WDFY3: variants seen among roughly 807,000 people sequenced by gnomAD.
WDFY3 encodes the protein WD repeat and FYVE domain-containing protein 3.
In WDFY3, 66 loss-of-function variants were observed where a neutral mutation model predicts 409.6. The ratio of observed to expected loss-of-function variants is 0.16; its 90% CI spans 0.13 to 0.20. The LOEUF is 0.20. WDFY3 is among the 10% of genes least tolerant of loss of function. The probability of loss-of-function intolerance (pLI) is 1.00; values close to 1 mark genes in which losing one functional copy is unlikely to be tolerated. For synonymous variants in WDFY3, 1,521 were observed against 1,537.1 expected, an observed-to-expected ratio of 0.99 and a Z score of 0.25; for missense variants, 3,031 against 4,298.1, an observed-to-expected ratio of 0.71 and a Z score of 8.24.
At chr4:84,946,543 C>A (rs1280655562) in intron 1 of WDFY3, among the ~76,000 whole-genome samples, 1 of 152,102 alleles carries the variant, frequency 6.6e-6, no homozygotes, top group East Asian at 1.9e-4. Flanking sequence ...GGAAAAACTG[C>A]ATCAATACAT....
intron 30 of WDFY3, among the ~76,000 whole-genome samples, chr4:84,769,278 A>G (rs1744210493): frequency 6.6e-6 from 1 of 152,230 alleles, no homozygotes; most frequent in Non-Finnish European, 1.5e-5. Context: ...TTTTGAAAGG[A>G]TTGACTCCAA....
intron 2 of WDFY3, among the ~76,000 whole-genome samples, chr4:84,930,137 T>A (rs1188225206): frequency 6.6e-6 from 1 of 152,198 alleles, no homozygotes; most frequent in African/African-American, 2.4e-5. Flanking sequence ...TAGTACTTTG[T>A]TACAGCAGCC....
At chr4:84,965,139 TTA>T (rs1435069720) in intron 1 of WDFY3, among the ~76,000 whole-genome samples, 2 of 152,208 alleles carry the variant, frequency 1.3e-5, no homozygotes, top group Non-Finnish European at 2.9e-5. Context: ...CTGTTTTATG[TTA>T]TGTTTGTTAC....
chr4:84,816,360 C>G (rs552694432), intron 13 of WDFY3, among the ~76,000 whole-genome samples: 6 of 152,088 alleles, frequency 3.9e-5, no homozygotes, highest in Non-Finnish European at 8.8e-5. Flanking sequence ...AAAGAGACTA[C>G]ATGGGTTCAG....
At chr4:84,753,176 C>T (rs1288303353) in intron 35 of WDFY3, among the ~76,000 whole-genome samples, 1 of 152,072 alleles carries the variant, frequency 6.6e-6, no homozygotes, top group East Asian at 1.9e-4. Context: ...TGATTATAAT[C>T]TAATAGTTTT....
At chr4:84,764,190 A>C (rs1743195947) in intron 32 of WDFY3, among the ~76,000 whole-genome samples, 1 of 152,234 alleles carries the variant, frequency 6.6e-6, no homozygotes, top group African/African-American at 2.4e-5. Context: ...TGGCCTTCAA[A>C]ATAAGCATTG....
chr4:84,848,258 A>G (rs2150091616), intron 5 of WDFY3, among the ~76,000 whole-genome samples: 1 of 150,422 alleles, frequency 6.6e-6, no homozygotes, highest in Non-Finnish European at 1.5e-5. Context: ...AGCTTCTAGA[A>G]AAAAAAAAAT....
intron 65 of WDFY3, 24 bp from the exon 66 acceptor site, chr4:84,678,303 C>A: frequency 6.4e-7 from 1 of 1,553,586 alleles, no homozygotes; most frequent in Non-Finnish European, 8.9e-7. Context: ...GTGGAGGACA[C>A]AACATAACTC....
At chr4:84,708,411 T>C (rs1732339123) in intron 53 of WDFY3, among the ~76,000 whole-genome samples, 1 of 152,230 alleles carries the variant, frequency 6.6e-6, no homozygotes, top group Admixed American at 6.5e-5. Flanking sequence ...ACTCAGTAAG[T>C]GGGTCAATTA....
chr4:84,684,228 A>G, intron 62 of WDFY3, 103 bp from the exon 63 acceptor site: 1 of 1,204,918 alleles, frequency 8.3e-7, no homozygotes, highest in East Asian at 2.6e-5. Flanking sequence ...AAAGCCTTTC[A>G]GTCCTAAGAC....
In WDFY3 at chr4:84,794,563, C is replaced by T. The variant is rs762005418; in HGVS notation, c.3443G>A (p.Arg1148Gln). 1.7e-5 allele frequency: 27 copies of T among 1,613,816 alleles called. No homozygotes were observed. The highest frequency in any genetic ancestry group is 1.6e-4 in the Middle Eastern group (1 of 6,084). The change falls in exon 21 of 68, where the codon CGA becomes CAA. Residue 1148 changes from arginine to glutamine, a missense_variant. By Grantham distance (43) the Arg-to-Gln change is conservative (BLOSUM62 1). Transcript: ENST00000295888. The stretch of plus-strand genomic sequence containing the variant: ...CTCTTTGGTGGAAACAATCAGAGAT[C>T]GGTCTTTTGCTGATAGAACTATTGC... ...CLAIVLSAKD[R>Q]SLIVSTKEEL...
intron 36 of WDFY3, 69 bp downstream of exon 36, chr4:84,751,413 TG>T: frequency 6.8e-7 from 1 of 1,474,522 alleles, no homozygotes; most frequent in Non-Finnish European, 9.4e-7. Context: ...TTATAGAACT[TG>T]TTTGGTTACT....
intron 6 of WDFY3, among the ~76,000 whole-genome samples, chr4:84,838,990 A>C (rs907213083): frequency 2.6e-5 from 4 of 152,194 alleles, no homozygotes; most frequent in Admixed American, 2.6e-4. Context: ...AATGGCACTC[A>C]AACAAGGTAG....
chr4:84,754,658 A>C (rs1359331587), intron 34 of WDFY3, among the ~76,000 whole-genome samples: 2 of 152,158 alleles, frequency 1.3e-5, no homozygotes, highest in Non-Finnish European at 2.9e-5. Context: ...TCTGTCTTTT[A>C]CTCTTTCAAT....
intron 21 of WDFY3, among the ~76,000 whole-genome samples, chr4:84,791,606 A>G (rs1277303248): frequency 6.6e-6 from 1 of 152,196 alleles, no homozygotes; most frequent in Non-Finnish European, 1.5e-5. Context: ...GAACCGAGAA[A>G]AATGTAAAGT....
chr4:84,736,371 A>G, intron 41 of WDFY3, 44 bp from the exon 42 acceptor site: 8 of 1,522,014 alleles, frequency 5.3e-6, no homozygotes, highest in Non-Finnish European at 7.1e-6. Flanking sequence ...TTCTCCATGT[A>G]TTTATGAGTC....
intron 37 of WDFY3, 26 bp downstream of exon 37, chr4:84,743,674 T>C (rs1315953714): frequency 1.3e-6 from 2 of 1,493,986 alleles, no homozygotes; most frequent in Non-Finnish European, 1.8e-6. Context: ...TATAGGTATT[T>C]CTATAAAATA....
rs944466934 is a variant in WDFY3 at position 84,670,464 on chromosome 4, A to G, written c.*2404T>C. 1.3e-5 allele frequency: 2 copies of G among 152,692 alleles called. No homozygotes were observed. The highest frequency in any genetic ancestry group is 2.4e-5 in the African/African-American group (1 of 41,458). The allele number at this position is 152,692 out of a possible 1,614,324, so 9.5% of individuals were successfully genotyped here. ...AAAAAGAAAAGAAACCCGATTGAACAAAACAGTTGCCCACAGCACCAGCTG... is the reference window on the plus strand; with the variant it reads ...AAAAAGAAAAGAAACCCGATTGAACGAAACAGTTGCCCACAGCACCAGCTG... On this transcript the variant is annotated 3_prime_UTR_variant, in exon 68 of 68. Coordinates refer to ENST00000295888, the MANE Select transcript of WDFY3 (RefSeq NM_014991.6).
chr4:84,913,032 C>G (rs1200048544), intron 2 of WDFY3, among the ~76,000 whole-genome samples: 1 of 152,110 alleles, frequency 6.6e-6, no homozygotes. Flanking sequence ...TAGAAAGTAC[C>G]TTGCCAGTAA....
Sources: gnomAD v4.1 joint callset for allele counts (sites outside exome capture counted in the v4.1 genomes callset) on GRCh38, gnomAD v4.1.1 for gene constraint, MANE v1.5 for transcripts, NCBI Gene and HGNC (gene_info 2026-07-23, HGNC 2026-07-21) for gene names.